The following NPR3 variants were observed in gnomAD, a reference collection of about 807,000 sequenced individuals.
The protein encoded by NPR3 is natriuretic peptide receptor 3, also known as atrial natriuretic peptide receptor 3.
NPR3 carries 34 observed loss-of-function variants against 54.5 expected under a neutral mutation model. The ratio of observed to expected loss-of-function variants is 0.62; its 90% confidence interval spans 0.47 to 0.83. The LOEUF (loss-of-function observed/expected upper bound fraction) is 0.83. Among genes scored for constraint, NPR3 ranks in the 40% least tolerant of loss-of-function variants. NPR3 has a pLI of 0.00. For missense variants in NPR3, 674 were observed against 720.8 expected (o/e 0.94, Z 0.74); for synonymous variants, 289 against 297.1 (o/e 0.97, Z 0.28).
chr5:32,786,370 T>C lies in NPR3; in HGVS notation c.*25T>C, dbSNP rs1056268508. On this transcript the variant is annotated 3_prime_UTR_variant, in exon 8 of 8. Transcript: ENST00000265074. Reference sequence around the variant, plus strand: ...AAGGAAGCCCCCCACTTTTTTTTTTTCTGCCTGAGATTCTTTAAGGAGATA... The same window carrying C: ...AAGGAAGCCCCCCACTTTTTTTTTTCCTGCCTGAGATTCTTTAAGGAGATA... 8 of 935,858 alleles carry C rather than the reference T, an allele frequency of 8.5e-6. No homozygotes were observed. The highest frequency in any genetic ancestry group is 3.2e-5 in the African/African-American group (2 of 61,626). 58.0% of individuals were successfully genotyped at this position (935,858 alleles called of 1,614,324 possible).
Position 32,732,037 on chromosome 5 carries a change from C to A in NPR3, c.893-6827C>A, listed in dbSNP as rs899285200. On this transcript the variant is annotated intron_variant, in intron 2 of 7. Coordinates refer to ENST00000265074, the MANE Select transcript of NPR3 (RefSeq NM_001204375.2). ...CGGGTGGATCATGAGGTCAGGAGAT[C>A]GAGACCATCCTGGCTAACAAGGTGA... is the stretch of plus-strand genomic sequence containing the variant. Among the ~76,000 whole-genome samples the A allele has an allele frequency of 2.6e-5, 4 of 151,798 alleles. No homozygotes were observed. The South Asian group carries it at 8.4e-4, about 32-fold the overall frequency.
rs1742711437 is a variant in NPR3, at chr5:32,787,740, T to A, written c.*1395T>A. 6.6e-6 allele frequency: 1 copy of A among 152,210 alleles called. No homozygotes were observed. The highest frequency in any genetic ancestry group is 2.4e-5 in the African/African-American group (1 of 41,448). 9.4% of individuals were successfully genotyped at this position (152,210 alleles called of 1,614,324 possible). A position where few individuals can be genotyped will look rare whatever the true frequency, so the allele number is the denominator to read the frequency against. On this transcript the variant is annotated 3_prime_UTR_variant, in exon 8 of 8. Transcript: ENST00000265074. ...GGTATCTGCTTTGCACCCAGTAGTC[T>A]GCAACATGAGTTTAAACTCAGGTTA...
intron 1 of NPR3, among the ~76,000 whole-genome samples, chr5:32,693,203 T>C (rs556354520): frequency 1.3e-5 from 2 of 152,296 alleles, no homozygotes; most frequent in Admixed American, 1.3e-4. Context: ...GTTCTGAAAA[T>C]TATGATTTTA....
At chr5:32,752,228 A>T (rs1016206955) in intron 3 of NPR3, among the ~76,000 whole-genome samples, 3 of 151,986 alleles carry the variant, frequency 2.0e-5, no homozygotes, top group Non-Finnish European at 2.9e-5. Flanking sequence ...AACAAAAACA[A>T]AAACAAAAAC....
At chr5:32,753,816 GCCAGGATTTACT>G (rs1356367141) in intron 3 of NPR3, among the ~76,000 whole-genome samples, 2 of 152,052 alleles carry the variant, frequency 1.3e-5, no homozygotes, top group Admixed American at 6.5e-5. Context: ...TTCCTCAAAT[GCCAGGATTTACT>G]CCTTTGATAA....
chr5:32,771,008 G>A (rs899004372), intron 3 of NPR3, among the ~76,000 whole-genome samples: 1 of 152,128 alleles, frequency 6.6e-6, no homozygotes, highest in African/African-American at 2.4e-5. Context: ...CTTTCAGCCT[G>A]GAGGGCCAAT....
chr5:32,760,315 C>T (rs1264557394), intron 3 of NPR3, among the ~76,000 whole-genome samples: 1 of 152,094 alleles, frequency 6.6e-6, no homozygotes, highest in Non-Finnish European at 1.5e-5. Context: ...ACATTCCAAC[C>T]AGCAATGTAT....
In NPR3 at chr5:32,786,353, C is replaced by A. The variant is rs771705282; in HGVS notation, c.*8C>A. ...CATTTTTCAGTAGCTTAAAGGAAGCCCCCCACTTTTTTTTTTTCTGCCTGA... is the reference window on the plus strand; with the variant it reads ...CATTTTTCAGTAGCTTAAAGGAAGCACCCCACTTTTTTTTTTTCTGCCTGA... On this transcript the variant is annotated 3_prime_UTR_variant, in exon 8 of 8. Coordinates refer to ENST00000265074, the MANE Select transcript of NPR3 (RefSeq NM_001204375.2). 1.6e-5 allele frequency: 20 copies of A among 1,271,802 alleles called. No homozygotes were observed. The highest frequency in any genetic ancestry group is 2.0e-5 in the Non-Finnish European group (18 of 885,354). 78.8% of individuals were successfully genotyped at this position (1,271,802 alleles called of 1,614,324 possible). A position where few individuals can be genotyped will look rare whatever the true frequency, so the allele number is the denominator to read the frequency against.
In NPR3 at chr5:32,693,328, T is replaced by C. The variant is rs1740447120; in HGVS notation, c.100+4142T>C. 2.0e-5 allele frequency among the ~76,000 whole-genome samples: 3 copies of C among 152,238 alleles called. 1 individual carries two copies. In the South Asian group the frequency reaches 6.2e-4, roughly 31 times the overall value. On this transcript the variant is annotated intron_variant, in intron 1 of 5. Coordinates refer to the NPR3 transcript ENST00000509104. Reference sequence around the variant, plus strand: ...GTGAATTCTGTTTCTTTAACTTCTTTAAATTCTTATAAATTCTGTAAACTT... The same window carrying C: ...GTGAATTCTGTTTCTTTAACTTCTTCAAATTCTTATAAATTCTGTAAACTT...
At chr5:32,760,745 G>A (rs1263041863) in intron 3 of NPR3, among the ~76,000 whole-genome samples, 1 of 149,726 alleles carries the variant, frequency 6.7e-6, no homozygotes. Flanking sequence ...ATAAAAATCT[G>A]CCAACCCTAA....
chr5:32,749,399 T>G (rs1219948868), intron 3 of NPR3, among the ~76,000 whole-genome samples: 1 of 152,224 alleles, frequency 6.6e-6, no homozygotes, highest in East Asian at 1.9e-4. Context: ...TCTTTCTCTT[T>G]TATATTATAA....
chr5:32,711,571 T>TC lies in NPR3; in HGVS notation c.-206_-205insC, dbSNP rs1554012336. The TC allele has an allele frequency of 3.2e-3, 3,917 of 1,236,630 alleles. 98 individuals are homozygous for TC. In the African/African-American group the frequency reaches 0.055, roughly 17 times the overall value. 76.6% of individuals were successfully genotyped at this position (1,236,630 alleles called of 1,614,324 possible). On this transcript the variant is annotated 5_prime_UTR_variant, in exon 1 of 8. Coordinates refer to ENST00000265074, the MANE Select transcript of NPR3 (RefSeq NM_001204375.2). ...AACTTTTTCTTTTTCTTTTTCTTTT[T>TC]TTTTTAAGAAAAACTAGTGACATTG...
rs770169526 is a variant in NPR3 at position 32,712,459 on chromosome 5, G to A, written c.683G>A (p.Gly228Asp). 8.7e-5 allele frequency: 139 copies of A among 1,605,792 alleles called. 2 individuals are homozygous for A. The Middle Eastern group carries it at 4.6e-3, about 53-fold the overall frequency. Residue 228 changes from glycine to aspartate, a missense_variant, in exon 1 of 8, where the codon GGT (glycine) becomes GAT (aspartate). Transcript: ENST00000265074. ...EGVHEVFQEE[G>D]LHTSIYSFDE... Reference sequence around the variant, plus strand: ...GTCCACGAGGTCTTCCAGGAGGAGGGTTTGCACACGTCCATCTACAGTTTC... The same window carrying A: ...GTCCACGAGGTCTTCCAGGAGGAGGATTTGCACACGTCCATCTACAGTTTC...
At chr5:32,691,210 A>G (rs1028000966) in intron 1 of NPR3, among the ~76,000 whole-genome samples, 19 of 152,184 alleles carry the variant, frequency 1.2e-4, no homozygotes, top group Admixed American at 4.6e-4. Flanking sequence ...GGCTTGGGTA[A>G]GTGTTATGTG....
chr5:32,693,884 C>A (rs1740460146), intron 1 of NPR3, among the ~76,000 whole-genome samples: 2 of 152,176 alleles, frequency 1.3e-5, no homozygotes, highest in Admixed American at 6.5e-5. Context: ...TACATACACT[C>A]CCCGCAATGC....
intron 5 of NPR3, among the ~76,000 whole-genome samples, chr5:32,781,475 G>T (rs181701371): frequency 2.0e-5 from 3 of 152,104 alleles, no homozygotes; most frequent in African/African-American, 7.2e-5. Flanking sequence ...GGCTCCCAGG[G>T]CATTGCTCCG....
chr5:32,708,827 T>C (rs1470273816), upstream of NPR3, among the ~76,000 whole-genome samples: 1 of 152,348 alleles, frequency 6.6e-6, no homozygotes, highest in East Asian at 1.9e-4. Context: ...TCTTTTCATT[T>C]GAAAAGGTTT....
intron 1 of NPR3, among the ~76,000 whole-genome samples, chr5:32,700,855 A>T (rs1737763527): frequency 6.6e-6 from 1 of 152,248 alleles, no homozygotes; most frequent in Non-Finnish European, 1.5e-5. Flanking sequence ...CACAATAAAC[A>T]TACATGTGCA....
At chr5:32,713,520 G>A in intron 1 of NPR3, 1 of 935,248 alleles carries the variant, frequency 1.1e-6, no homozygotes, top group Non-Finnish European at 1.3e-6. Context: ...TAGGAGCACT[G>A]CGATGAGGGA....
Sources: allele counts gnomAD v4.1 joint callset (sites outside exome capture counted in the v4.1 genomes callset), GRCh38; gene constraint gnomAD v4.1.1; transcripts MANE v1.5; gene names NCBI Gene and HGNC (gene_info 2026-07-23, HGNC 2026-07-21).